INTS1: variants seen among roughly 807,000 people sequenced by gnomAD.
INTS1 encodes integrator complex subunit 1.
In INTS1, 137 loss-of-function variants were observed where a neutral mutation model predicts 241.6. That is an observed-to-expected ratio of 0.57 (90% CI 0.49 to 0.65). INTS1 has a LOEUF of 0.65. INTS1 is among the 30% of genes least tolerant of loss of function. The probability of loss-of-function intolerance (pLI) is 0.00; values close to 1 mark genes in which losing one functional copy is unlikely to be tolerated. For synonymous variants in INTS1, 1,692 were observed against 1,337.8 expected (o/e 1.26, Z -5.78); for missense variants, 3,073 against 3,032.2 (o/e 1.01, Z -0.32).
chr7:1,474,248 G>A lies in INTS1; in HGVS notation c.5749C>T (p.Leu1917=). The change falls in exon 41 of 48, where the codon CTG becomes TTG. Residue 1917 remains leucine, a synonymous_variant. Coordinates refer to ENST00000404767, the MANE Select transcript of INTS1 (RefSeq NM_001080453.3). ...CFLHVLGLLE[L]LQPHVFRSEH... is the part of the protein sequence containing the mutation. ...CTGCGGAACACGTGCGGCTGCAGCA[G>A]CTCCAGCAGGCCCAGCACGTGCAGG... 6.2e-7 allele frequency: 1 copy of A among 1,605,312 alleles called. No homozygotes were observed. Among genetic ancestry groups the A allele is most frequent in the Non-Finnish European group, 8.5e-7 (1 of 1,177,526 alleles).
Position 1,473,096 on chromosome 7 carries a change from G to A in INTS1, c.6046C>T (p.Arg2016Ter), listed in dbSNP as rs201412367. The A allele has an allele frequency of 6.2e-6, 10 of 1,609,826 alleles. No individual in the cohort carries two copies. The highest frequency in any genetic ancestry group is 2.2e-5 in the East Asian group (1 of 44,802). Residue 2016 changes from arginine (R) to a stop codon, truncating the protein, a stop_gained, in exon 43 of 48, where the codon CGA becomes TGA. Transcript: ENST00000404767. LOFTEE classifies it high-confidence loss of function. ...CCCTCGCCCTCTTCGTCCAGGCCTC[G>A]GTCGGTCCTGTCGTCCCTGCTGGGC... ...SLPSRDDRTD[R>*]GLDEEGEEES...
rs768189814 is a variant in INTS1 at position 1,484,184 on chromosome 7, A to AG, written c.3262-15dup. 3 of 1,598,978 alleles carry AG rather than the reference A, an allele frequency of 1.9e-6. No homozygotes were observed. The highest frequency in any genetic ancestry group is 1.7e-6 in the Non-Finnish European group (2 of 1,171,508). ...CCGGGCCACGTCCTGGTGTGTGGAC[A>AG]GGGGGGCGTCAGAGGCTCCGAGACA... On this transcript the variant is annotated splice_polypyrimidine_tract_variant and intron_variant, in intron 24 of 47. Coordinates refer to ENST00000404767, the MANE Select transcript of INTS1 (RefSeq NM_001080453.3).
rs973623021 is a variant in INTS1 at position 1,478,460 on chromosome 7, C to T, written c.4536G>A (p.Gln1512=). 36 of 1,612,400 alleles carry T rather than the reference C, an allele frequency of 2.2e-5. No individual in the cohort carries two copies. Among genetic ancestry groups the T allele is most frequent in the Non-Finnish European group, 3.1e-5 (36 of 1,179,754 alleles). ...LRLAEALAFR[Q]DLEVVSSTVR... ...CGGTGGAGCTGACCACCTCCAGGTC[C>T]TGACGGAAGGCCAGGGCCTCGGCCA... is the stretch of plus-strand genomic sequence containing the variant. The change falls in exon 33 of 48, where the codon CAG becomes CAA. Residue 1512 remains glutamine, a synonymous_variant. Transcript: ENST00000404767.
At position 1,503,044 on chromosome 7, in the gene INTS1, G is replaced by C. The variant is rs763334582; in HGVS notation, c.206C>G (p.Ser69Trp). 6.2e-7 allele frequency: 1 copy of C among 1,613,586 alleles called. No individual in the cohort carries two copies. The highest frequency in any genetic ancestry group is 1.3e-5 in the African/African-American group (1 of 74,932). Residue 69 changes from serine (S) to tryptophan (W), a missense_variant, in exon 3 of 48, where the codon TCG (serine) becomes TGG (tryptophan). Physicochemically the swap from Ser to Trp is radical, Grantham distance 177. Coordinates refer to ENST00000404767, the MANE Select transcript of INTS1 (RefSeq NM_001080453.3). The stretch of plus-strand genomic sequence containing the variant: ...GCGTTTGGTGAGACCGGTGAGGGCC[G>C]AGGCACTGGACAACGCGGCCGCCGC... ...RDAAAALSSA[S>W]ALTGLTKRPK... is the part of the protein sequence containing the mutation.
chr7:1,499,293 C>A lies in INTS1; in HGVS notation c.912G>T (p.Glu304Asp). ...DSQTELLIAE[E>D]KLSPEQEGQL... ...GGCCCTCCTGCTCGGGGCTCAGCTT[C>A]TCCTCCGCGATCAGCAACTCCGTCT... Residue 304 changes from glutamate to aspartate, a missense_variant, in exon 7 of 48, where the codon GAG (glutamate) becomes GAT (aspartate). Physicochemically the swap from Glu to Asp is conservative, Grantham distance 45. Coordinates refer to ENST00000404767, the MANE Select transcript of INTS1 (RefSeq NM_001080453.3). The A allele has an allele frequency of 6.2e-7, 1 of 1,609,162 alleles. No homozygotes were observed. Among genetic ancestry groups the A allele is most frequent in the Non-Finnish European group, 8.5e-7 (1 of 1,178,234 alleles).
At chr7:1,503,310 G>A (rs1583171397) in intron 2 of INTS1, 119 bp from the exon 3 acceptor site, 2 of 1,099,524 alleles carry the variant, frequency 1.8e-6, no homozygotes, top group Non-Finnish European at 2.6e-6. Flanking sequence ...AGGCAAGGAA[G>A]AAGCCAGAGC....
intron 38 of INTS1, 30 bp downstream of exon 38, chr7:1,476,199 G>A (rs142370873): frequency 3.2e-6 from 5 of 1,540,112 alleles, no homozygotes; most frequent in Non-Finnish European, 4.4e-6. Flanking sequence ...TCACTCCCAG[G>A]CAGCATCTGG....
At position 1,470,968 on chromosome 7, in the gene INTS1, C is replaced by T. The variant is rs754589182; in HGVS notation, c.6348-13G>A. On this transcript the variant is annotated splice_polypyrimidine_tract_variant and intron_variant, in intron 46 of 47. Coordinates refer to ENST00000404767, the MANE Select transcript of INTS1 (RefSeq NM_001080453.3). ...AGCGGCTGCAATGCTGAAAGACCCA[C>T]ACACTTCAGTGGGAACCTCCACCCT... The T allele has an allele frequency of 3.9e-6, 6 of 1,551,796 alleles. No homozygotes were observed. The highest frequency in any genetic ancestry group is 3.5e-6 in the Non-Finnish European group (4 of 1,147,598).
intron 33 of INTS1, among the ~76,000 whole-genome samples, 184 bp downstream of exon 33, chr7:1,478,182 G>T (rs1241753920): frequency 1.3e-5 from 2 of 151,860 alleles, no homozygotes; most frequent in Non-Finnish European, 2.9e-5. Flanking sequence ...CCCCCAAGGA[G>T]GAAGCTCCAA....
At chr7:1,471,490 G>T in intron 45 of INTS1, 81 bp downstream of exon 45, 1 of 1,461,708 alleles carries the variant, frequency 6.8e-7, no homozygotes, top group Non-Finnish European at 9.5e-7. Flanking sequence ...GCGCGGGCAC[G>T]CCATGTTGGG....
At chr7:1,494,716 G>A (rs889098452) in intron 14 of INTS1, 100 bp downstream of exon 14, 1 of 1,181,096 alleles carries the variant, frequency 8.5e-7, no homozygotes. Flanking sequence ...CATGGGAACA[G>A]CCGCCCAACT....
chr7:1,500,031 A>AG lies in INTS1; in HGVS notation c.547-11dup. Reference sequence around the variant, plus strand: ...GGAGGCTACACAGAGCCTGCCAGGGAGGGCGCATGTCACGTGGGAGCTTCG... The same window carrying AG: ...GGAGGCTACACAGAGCCTGCCAGGGAGGGGCGCATGTCACGTGGGAGCTTCG... On this transcript the variant is annotated splice_polypyrimidine_tract_variant and intron_variant, in intron 4 of 47. Transcript: ENST00000404767. 1.2e-6 allele frequency: 2 copies of AG among 1,600,720 alleles called. No individual in the cohort carries two copies. Among genetic ancestry groups the AG allele is most frequent in the Non-Finnish European group, 1.7e-6 (2 of 1,172,414 alleles).
Position 1,500,034 on chromosome 7 carries a change from G to A in INTS1, c.547-13C>T, listed in dbSNP as rs1158569099. 1.2e-6 allele frequency: 2 copies of A among 1,612,102 alleles called. No individual in the cohort carries two copies. Among genetic ancestry groups the A allele is most frequent in the African/African-American group, 2.7e-5 (2 of 74,916 alleles). On this transcript the variant is annotated splice_polypyrimidine_tract_variant and intron_variant, in intron 4 of 47. Transcript: ENST00000404767. ...GGCTACACAGAGCCTGCCAGGGAGG[G>A]CGCATGTCACGTGGGAGCTTCGCTG...
chr7:1,478,631 C>A (rs1161056567), intron 32 of INTS1, 95 bp downstream of exon 32: 1 of 1,486,934 alleles, frequency 6.7e-7, no homozygotes, highest in Non-Finnish European at 9.0e-7. Flanking sequence ...CCCCAAGCCA[C>A]TGCCCAGGCC....
rs761227762 is a variant in INTS1, at chr7:1,479,591, G to A, written c.4168C>T (p.Arg1390Cys). 3.4e-5 allele frequency: 53 copies of A among 1,539,250 alleles called. No individual in the cohort carries two copies. Among genetic ancestry groups the A allele is most frequent in the Middle Eastern group, 1.7e-4 (1 of 5,724 alleles). ...LQQALGQELA[R>C]VVQGSPEVPG... ...ACCTCGGGGCTGCCCTGGACGACGC[G>A]GGCCAGCTCCTGGCCCAGGGCCTGC... Residue 1390 changes from arginine to cysteine, a missense_variant, in exon 31 of 48, where the codon CGC becomes TGC. Physicochemically the swap from Arg to Cys is radical, Grantham distance 180 (BLOSUM62 -3). Coordinates refer to ENST00000404767, the MANE Select transcript of INTS1 (RefSeq NM_001080453.3).
rs369520598 is a variant in INTS1 at position 1,498,493 on chromosome 7, A to G, written c.1344T>C (p.Asn448=). 2 of 1,613,946 alleles carry G rather than the reference A, an allele frequency of 1.2e-6. No homozygotes were observed. Among genetic ancestry groups the G allele is most frequent in the Non-Finnish European group, 8.5e-7 (1 of 1,179,874 alleles). Residue 448 remains asparagine, a synonymous_variant, in exon 10 of 48, where the codon AAT becomes AAC. Transcript: ENST00000404767. ...LGTTIKLVIF[N]ELSSARNPNN... is the part of the protein sequence containing the mutation. ...TCGGGTTCCGGGCGCTGGAGAGCTC[A>G]TTGAAGATCACCAACTTGATGGTGG... is the stretch of plus-strand genomic sequence containing the variant.
chr7:1,491,886 G>A (rs1782568815), intron 16 of INTS1, among the ~76,000 whole-genome samples: 1 of 152,204 alleles, frequency 6.6e-6, no homozygotes, highest in African/African-American at 2.4e-5. Context: ...GTGACAGACA[G>A]AGCAAGACTC....
rs111241871 is a variant in INTS1 at position 1,492,521 on chromosome 7, T to C, written c.2165+489A>G. 3.6e-3 allele frequency among the ~76,000 whole-genome samples: 542 copies of C among 152,338 alleles called. 2 individuals carry two copies. The highest frequency in any genetic ancestry group is 0.013 in the African/African-American group (520 of 41,566). On this transcript the variant is annotated intron_variant, in intron 16 of 47. Transcript: ENST00000404767. ...TTCTACAATTAAATTATAATGAAAG[T>C]TGTACAACCTGTGAACATTCTGAAA...
At chr7:1,500,432 C>T in intron 3 of INTS1, 66 bp from the exon 4 acceptor site, 2 of 1,433,750 alleles carry the variant, frequency 1.4e-6, no homozygotes, top group Non-Finnish European at 9.2e-7. Context: ...CCTCGGGACA[C>T]CGGGAAGACC....
Sources: allele counts gnomAD v4.1 joint callset (sites outside exome capture counted in the v4.1 genomes callset), GRCh38; gene constraint gnomAD v4.1.1; transcripts MANE v1.5; gene names NCBI Gene and HGNC (gene_info 2026-07-23, HGNC 2026-07-21).